The following KANK1 variants were observed in gnomAD, a reference collection of about 807,000 sequenced individuals.
The protein encoded by KANK1 is KN motif and ankyrin repeat domains 1.
Under a neutral mutation model 106.2 loss-of-function variants are expected in KANK1, and 109 were observed. That is an observed-to-expected ratio of 1.03 (90% CI 0.88 to 1.20). The LOEUF is 1.20. Ranked by LOEUF, KANK1 falls within the 50% of genes most tolerant of loss-of-function variation. The probability of loss-of-function intolerance (pLI) is 0.00; values close to 1 mark genes in which losing one functional copy is unlikely to be tolerated. For missense variants in KANK1, 2,399 were observed against 1,710.7 expected (o/e 1.40, Z -7.10); for synonymous variants, 873 against 652.2 (o/e 1.34, Z -5.16).
At chr9:631,715 A>G (rs780226945) in intron 1 of KANK1, among the ~76,000 whole-genome samples, 10 of 152,220 alleles carry the variant, frequency 6.6e-5, no homozygotes, top group Non-Finnish European at 1.2e-4. Flanking sequence ...CAAAACCTGT[A>G]GTCATCCATC....
chr9:673,928 T>A (rs1815820571), intron 1 of KANK1: 1 of 152,166 alleles, frequency 6.6e-6, no homozygotes. Context: ...AAAAGCATAC[T>A]TAGTTGAATA....
chr9:512,804 CCTG>C (rs1280733391), intron 1 of KANK1, among the ~76,000 whole-genome samples: 1 of 152,130 alleles, frequency 6.6e-6, no homozygotes, highest in Non-Finnish European at 1.5e-5. Context: ...CTGTTAACTT[CCTG>C]CTAAGGAAGA....
intron 1 of KANK1, among the ~76,000 whole-genome samples, chr9:663,025 C>T (rs1588687504): frequency 6.6e-6 from 1 of 152,152 alleles, no homozygotes. Context: ...TGTTACATGT[C>T]CCCCTTTTAC....
At chr9:514,186 CCCTCCCTT>C (rs1416780102) in intron 1 of KANK1, among the ~76,000 whole-genome samples, 3 of 82,956 alleles carry the variant, frequency 3.6e-5, no homozygotes, top group Non-Finnish European at 6.2e-5. Flanking sequence ...CTTCCTCTCT[CCCTCCCTT>C]CCTCCCTCCC....
intron 3 of KANK1, among the ~76,000 whole-genome samples, chr9:728,910 A>G (rs1445238633): frequency 6.6e-6 from 1 of 152,168 alleles, no homozygotes; most frequent in Admixed American, 6.5e-5. Flanking sequence ...ACTAGTGTAT[A>G]CCTTACATGC....
At chr9:626,617 A>T (rs909403494) in intron 1 of KANK1, among the ~76,000 whole-genome samples, 1 of 152,230 alleles carries the variant, frequency 6.6e-6, no homozygotes, top group Non-Finnish European at 1.5e-5. Context: ...AATACTGCCA[A>T]CATCTGGCCC....
intron 1 of KANK1, among the ~76,000 whole-genome samples, chr9:532,988 A>G (rs1020852412): frequency 2.6e-5 from 4 of 152,176 alleles, no homozygotes; most frequent in African/African-American, 9.7e-5. Flanking sequence ...CTCTGGCACC[A>G]TGTTGCTGGT....
At chr9:656,104 G>A (rs941281788) in intron 1 of KANK1, among the ~76,000 whole-genome samples, 6 of 152,182 alleles carry the variant, frequency 3.9e-5, no homozygotes, top group South Asian at 2.1e-4. Flanking sequence ...GGCTCTGGGA[G>A]CCAGTCTTCT....
At chr9:507,657 A>C (rs896032457) in intron 1 of KANK1, among the ~76,000 whole-genome samples, 1 of 151,542 alleles carries the variant, frequency 6.6e-6, no homozygotes, top group Non-Finnish European at 1.5e-5. Flanking sequence ...CCTGGGTTCA[A>C]GCGATTCTCG....
intron 1 of KANK1, among the ~76,000 whole-genome samples, chr9:605,370 T>A (rs767206499): frequency 1.3e-5 from 2 of 151,646 alleles, no homozygotes; most frequent in Non-Finnish European, 2.9e-5. Context: ...AGTAAAGCAT[T>A]TGCTTAGCCA....
intron 1 of KANK1, among the ~76,000 whole-genome samples, chr9:612,791 C>G (rs192208259): frequency 1.1e-3 from 162 of 152,266 alleles, no homozygotes; most frequent in African/African-American, 3.7e-3. Context: ...TTGACTGTGA[C>G]ACTCTTTCGA....
chr9:604,212 A>G lies in KANK1; in HGVS notation c.-83-72678A>G, dbSNP rs576291416. On this transcript the variant is annotated intron_variant, in intron 1 of 11. Coordinates refer to ENST00000382297, the MANE Select transcript of KANK1 (RefSeq NM_015158.5). The stretch of plus-strand genomic sequence containing the variant: ...CTCTTTCCTGGAGACGTGGTAAACA[A>G]TAATGATGATTCTAATAATGACCAT... Among the ~76,000 whole-genome samples the G allele has an allele frequency of 4.0e-5, 6 of 151,832 alleles. No individual in the cohort carries two copies. In the South Asian group the frequency reaches 1.2e-3, roughly 32 times the overall value.
In KANK1 at chr9:590,909, C is replaced by T. The variant is rs545550934; in HGVS notation, c.-83-85981C>T. Among the ~76,000 whole-genome samples, 19 of 151,862 alleles carry T rather than the reference C, an allele frequency of 1.3e-4. 1 individual carries two copies. Among genetic ancestry groups the T allele is most frequent in the Middle Eastern group, 3.4e-3 (1 of 294 alleles). ...TAGGAAAGAGGTTTAATATATAATA[C>T]ACATTGCCTGGAAGACTGAACCGAT... On this transcript the variant is annotated intron_variant, in intron 1 of 11. Coordinates refer to ENST00000382297, the MANE Select transcript of KANK1 (RefSeq NM_015158.5).
At chr9:545,792 A>G (rs1006479366) in intron 1 of KANK1, among the ~76,000 whole-genome samples, 1 of 131,132 alleles carries the variant, frequency 7.6e-6, no homozygotes, top group Admixed American at 8.8e-5. Flanking sequence ...GTCGCCCAGG[A>G]TGGAGCGCAG....
chr9:704,381 T>C (rs1297608501), intron 2 of KANK1, among the ~76,000 whole-genome samples: 4 of 152,212 alleles, frequency 2.6e-5, no homozygotes, highest in Non-Finnish European at 5.9e-5. Flanking sequence ...GTTACACTAG[T>C]GTTCTAGTCA....
chr9:671,278 G>A (rs1416190224), intron 1 of KANK1, among the ~76,000 whole-genome samples: 3 of 150,524 alleles, frequency 2.0e-5, no homozygotes, highest in Admixed American at 1.3e-4. Flanking sequence ...TTGATTTTTT[G>A]AAACAGTTGA....
chr9:569,892 T>G (rs7872247), intron 1 of KANK1, among the ~76,000 whole-genome samples: 8,640 of 152,186 alleles, frequency 0.057, 799 homozygotes, highest in African/African-American at 0.2. Flanking sequence ...TACATTTTTC[T>G]CTGTTCTCAA....
intron 3 of KANK1, among the ~76,000 whole-genome samples, chr9:718,850 A>G (rs1828490957): frequency 6.6e-6 from 1 of 152,108 alleles, no homozygotes; most frequent in Non-Finnish European, 1.5e-5. Context: ...TTTCCTCACA[A>G]AGTAGTATGT....
chr9:557,101 T>C (rs1490992048), intron 1 of KANK1, among the ~76,000 whole-genome samples: 1 of 150,926 alleles, frequency 6.6e-6, no homozygotes, highest in Non-Finnish European at 1.5e-5. Context: ...GAGGATCACA[T>C]GAGCCTGAGA....
Sources: gnomAD v4.1 joint callset for allele counts (sites outside exome capture counted in the v4.1 genomes callset) on GRCh38, gnomAD v4.1.1 for gene constraint, MANE v1.5 for transcripts, NCBI Gene and HGNC (gene_info 2026-07-23, HGNC 2026-07-21) for gene names.